The following PLA2G3 variants were observed in gnomAD, a reference collection of about 807,000 sequenced individuals.
PLA2G3 encodes phospholipase A2 group III.
PLA2G3 carries 39 observed loss-of-function variants against 51.3 expected under a neutral mutation model. The ratio of observed to expected loss-of-function variants is 0.76; its 90% confidence interval spans 0.59 to 0.99. The LOEUF is 0.99. PLA2G3 is among the 50% of genes least tolerant of loss of function. PLA2G3 has a pLI of 0.00. For synonymous variants in PLA2G3, 293 were observed against 263.1 expected (o/e 1.11, Z -1.10); for missense variants, 677 against 662.1 (o/e 1.02, Z -0.25).
chr22:31,140,167 T>A lies in PLA2G3; in HGVS notation c.188A>T (p.Asp63Val), dbSNP rs780724477. 7.4e-6 allele frequency: 12 copies of A among 1,612,290 alleles called. No homozygotes were observed. The highest frequency in any genetic ancestry group is 1.0e-5 in the Non-Finnish European group (12 of 1,179,702). ...ACATGACTGCAGCCTCCTATGCGCA[T>A]CCCAGCGGGCATGGATCAGGGCCAG... Reference protein sequence around the residue: ...QGLALIHARWDAHRRLQSCSW... With the variant: ...QGLALIHARWVAHRRLQSCSW... Residue 63 changes from aspartate (D) to valine (V), a missense_variant, in exon 1 of 7, where the codon GAT (aspartate) becomes GTT (valine). Asp to Val is a radical substitution (Grantham distance 152, BLOSUM62 -3). Transcript: ENST00000215885.
At chr22:31,138,643 G>A in intron 2 of PLA2G3, 24 bp downstream of exon 2, 1 of 1,613,870 alleles carries the variant, frequency 6.2e-7, no homozygotes, top group African/African-American at 1.3e-5. Context: ...CCTGAGCTCT[G>A]GGCCCTCGCT....
At position 31,137,844 on chromosome 22, in the gene PLA2G3, C is replaced by A. The variant is rs866948115; in HGVS notation, c.932G>T (p.Gly311Val). Residue 311 changes from glycine (G) to valine (V), a missense_variant, in exon 4 of 7, where the codon GGG becomes GTG. Coordinates refer to ENST00000215885, the MANE Select transcript of PLA2G3 (RefSeq NM_015715.5). ...KPRQKQHLRK[G>V]PPHQKGSKRP... Reference sequence around the variant, plus strand: ...CTTGGACCCTTTCTGATGTGGTGGCCCCTTCCGAAGGTGCTGCTTCTGTCG... The same window carrying A: ...CTTGGACCCTTTCTGATGTGGTGGCACCTTCCGAAGGTGCTGCTTCTGTCG... The A allele has an allele frequency of 1.9e-6, 3 of 1,613,964 alleles. No homozygotes were observed. The highest frequency in any genetic ancestry group is 2.5e-6 in the Non-Finnish European group (3 of 1,180,030).
Position 31,136,966 on chromosome 22 carries a change from C to A in PLA2G3, c.1141G>T (p.Glu381Ter). The A allele has an allele frequency of 1.3e-6, 2 of 1,586,312 alleles. No individual in the cohort carries two copies. The highest frequency in any genetic ancestry group is 2.3e-5 in the East Asian group (1 of 43,020). ...TGGGCGCTGTTGAGCAGCTGGAACTCGATTTCCCGGGGCCCAATCTGGTGC... is the reference window on the plus strand; with the variant it reads ...TGGGCGCTGTTGAGCAGCTGGAACTAGATTTCCCGGGGCCCAATCTGGTGC... ...CEHQIGPREI[E>*]FQLLNSAQEP... The change falls in exon 5 of 7, where the codon GAG (glutamate) becomes TAG (stop). Residue 381 changes from glutamate to a stop codon, truncating the protein, a stop_gained. Transcript: ENST00000215885. LOFTEE classifies it high-confidence loss of function.
intron 6 of PLA2G3, 74 bp from the exon 7 acceptor site, chr22:31,136,010 G>A (rs1922539011): frequency 3.2e-6 from 4 of 1,242,830 alleles, no homozygotes; most frequent in Non-Finnish European, 4.6e-6. Context: ...ACAGTGGGCT[G>A]AGGCCCAGAG....
rs1262523179 is a variant in PLA2G3, at chr22:31,135,225, C to T, written c.*498G>A. ...GGGGAGCTGAAAGCCCTCTCCAACA[C>T]CCACCCCAATCCTGGATTCAGACAC... is the stretch of plus-strand genomic sequence containing the variant. On this transcript the variant is annotated 3_prime_UTR_variant, in exon 7 of 7. Transcript: ENST00000215885. 2 of 156,066 alleles carry T rather than the reference C, an allele frequency of 1.3e-5. No homozygotes were observed. Among genetic ancestry groups the T allele is most frequent in the Admixed American group, 1.2e-4 (2 of 16,072 alleles). 9.7% of individuals were successfully genotyped at this position (156,066 alleles called of 1,614,324 possible). A position where few individuals can be genotyped will look rare whatever the true frequency, so the allele number is the denominator to read the frequency against.
In PLA2G3 at chr22:31,138,009, T is replaced by C. The variant is rs1164712953; in HGVS notation, c.783-16A>G. On this transcript the variant is annotated splice_polypyrimidine_tract_variant and intron_variant, in intron 3 of 6. Coordinates refer to ENST00000215885, the MANE Select transcript of PLA2G3 (RefSeq NM_015715.5). Reference sequence around the variant, plus strand: ...CATCCTACACCTGGGTGGTGGCAGTTGGTGGAAATTGGTGACTGGGAATCC... The same window carrying C: ...CATCCTACACCTGGGTGGTGGCAGTCGGTGGAAATTGGTGACTGGGAATCC... 2.0e-6 allele frequency: 3 copies of C among 1,526,848 alleles called. No individual in the cohort carries two copies. The East Asian group carries it at 6.8e-5, about 34-fold the overall frequency. 94.6% of individuals were successfully genotyped at this position (1,526,848 alleles called of 1,614,324 possible).
At position 31,138,672 on chromosome 22, in the gene PLA2G3, G is replaced by A. The variant is rs200160743; in HGVS notation, c.642C>T (p.Asp214=). ...CCTCGCTGCCTGCCACCAACCTGGT[G>A]TCACAGTCACAGTGGGAGATGGTGT... The part of the protein sequence containing the change: ...RFHTISHCDC[D]TRFQQCLQNQ... Residue 214 remains aspartate (D), a synonymous_variant, in exon 2 of 7, where the codon GAC becomes GAT. Transcript: ENST00000215885. 1.3e-4 allele frequency: 217 copies of A among 1,614,142 alleles called. 1 individual carries two copies. The highest frequency in any genetic ancestry group is 1.7e-4 in the Middle Eastern group (1 of 6,060).
At chr22:31,137,101 T>C in intron 4 of PLA2G3, 61 bp from the exon 5 acceptor site, 2 of 1,437,676 alleles carry the variant, frequency 1.4e-6, no homozygotes, top group Non-Finnish European at 1.8e-6. Flanking sequence ...CACCAATGCC[T>C]GCGCCATCCG....
Position 31,140,477 on chromosome 22 carries a change from A to C in PLA2G3, c.-123T>G. 1 of 1,094,658 alleles carries C rather than the reference A, an allele frequency of 9.1e-7. No homozygotes were observed. Among genetic ancestry groups the C allele is most frequent in the Non-Finnish European group, 1.3e-6 (1 of 773,812 alleles). The allele number at this position is 1,094,658 out of a possible 1,614,324, so 67.8% of individuals were successfully genotyped here. On this transcript the variant is annotated 5_prime_UTR_variant, in exon 1 of 7. Transcript: ENST00000215885. ...CAGCAGGCCCGGTGCGGCGGGACCA[A>C]TGAATGGAGCTGCGGGAGGAGGAGG...
Position 31,140,295 on chromosome 22 carries a change from G to C in PLA2G3, c.60C>G (p.Gly20=). ...TCCTGTACCAGCGGAGGGCAGGGGA[G>C]CCCCCCAGGGCCACCCCCAGGAAGC... ...MLGFLGVALG[G]SPALRWYRTS... is the part of the protein sequence containing the mutation. The change falls in exon 1 of 7, where the codon GGC becomes GGG. Residue 20 remains glycine, a synonymous_variant. Transcript: ENST00000215885. The C allele has an allele frequency of 6.2e-7, 1 of 1,610,366 alleles. No homozygotes were observed. Among genetic ancestry groups the C allele is most frequent in the Non-Finnish European group, 8.5e-7 (1 of 1,179,462 alleles).
intron 4 of PLA2G3, among the ~76,000 whole-genome samples, chr22:31,137,387 C>T (rs972387156): frequency 6.6e-6 from 1 of 152,136 alleles, no homozygotes; most frequent in Non-Finnish European, 1.5e-5. Flanking sequence ...GAGAGCCTGG[C>T]GCTTTTGAGG....
chr22:31,139,184 G>A (rs1380736581), intron 1 of PLA2G3, among the ~76,000 whole-genome samples: 2 of 152,164 alleles, frequency 1.3e-5, no homozygotes, highest in Non-Finnish European at 2.9e-5. Context: ...TTTCTCACTG[G>A]CACAAGGAGG....
At position 31,135,551 on chromosome 22, in the gene PLA2G3, G is replaced by C; in HGVS notation, c.*172C>G. 1 of 617,406 alleles carries C rather than the reference G, an allele frequency of 1.6e-6. No individual in the cohort carries two copies. Among genetic ancestry groups the C allele is most frequent in the South Asian group, 1.9e-5 (1 of 52,108 alleles). 38.2% of individuals were successfully genotyped at this position (617,406 alleles called of 1,614,324 possible). ...AGCTCAAGGTTACCCAGAACAGCAG[G>C]AGATGTGGTCCAGCATTTGGGCCTT... is the stretch of plus-strand genomic sequence containing the variant. On this transcript the variant is annotated 3_prime_UTR_variant, in exon 7 of 7. Transcript: ENST00000215885.
Position 31,136,726 on chromosome 22 carries a change from AG to A in PLA2G3, c.1272del (p.Cys425AlafsTer56). 6.2e-7 allele frequency: 1 copy of A among 1,613,474 alleles called. No homozygotes were observed. Among genetic ancestry groups the A allele is most frequent in the Non-Finnish European group, 8.5e-7 (1 of 1,179,778 alleles). On this transcript the variant is annotated frameshift_variant, in exon 6 of 7. Coordinates refer to ENST00000215885, the MANE Select transcript of PLA2G3 (RefSeq NM_015715.5). LOFTEE classifies it low-confidence loss of function (END_TRUNC). ...TCCAGTGGAGGGGCCAGCTTGAAGC[AG>A]GTTGTGCCCAGCAGCTCCCAAAGCA... is the stretch of plus-strand genomic sequence containing the variant. Reference protein sequence around the residue: ...TNMLWELLGTTCFKLAPPLDC... With the variant: ...TNMLWELLGTXCFKLAPPLDC...
rs1466132620 is a variant in PLA2G3, at chr22:31,140,312, C to T, written c.43G>A (p.Gly15Arg). The T allele has an allele frequency of 4.4e-6, 7 of 1,608,966 alleles. No individual in the cohort carries two copies. In the Admixed American group the frequency reaches 1.0e-4, roughly 23 times the overall value. ...GCAGGGGAGCCCCCCAGGGCCACCC[C>T]CAGGAAGCCCAGCATCCCAAACAGC... is the stretch of plus-strand genomic sequence containing the variant. ...AGLFGMLGFL[G>R]VALGGSPALR... is the part of the protein sequence containing the mutation. Residue 15 changes from glycine to arginine, a missense_variant, in exon 1 of 7, where the codon GGG (glycine) becomes AGG (arginine). Gly to Arg is a moderately radical substitution (Grantham distance 125). Transcript: ENST00000215885.
chr22:31,138,047 C>T (rs916680995), intron 3 of PLA2G3, 54 bp from the exon 4 acceptor site: 8 of 1,496,734 alleles, frequency 5.3e-6, no homozygotes, highest in Non-Finnish European at 7.1e-6. Context: ...CTTCCAGAAG[C>T]CCCCAGGGTC....
Position 31,137,776 on chromosome 22 carries a change from C to A in PLA2G3, c.1000G>T (p.Val334Phe), listed in dbSNP as rs1922663501. 6.2e-7 allele frequency: 1 copy of A among 1,613,770 alleles called. No homozygotes were observed. Among genetic ancestry groups the A allele is most frequent in the South Asian group, 1.1e-5 (1 of 91,076 alleles). ...GGGGCCACATCAAGCCTGGGAGAGA[C>A]CATAGGGTCCTGGAGGGCTGTGGTG... ...ANTTALQDPM[V>F]SPRLDVAPTG... Residue 334 changes from valine to phenylalanine, a missense_variant, in exon 4 of 7, where the codon GTC (valine) becomes TTC (phenylalanine). Physicochemically the swap from Val to Phe is conservative, Grantham distance 50. Coordinates refer to ENST00000215885, the MANE Select transcript of PLA2G3 (RefSeq NM_015715.5).
chr22:31,135,845 C>G lies in PLA2G3; in HGVS notation c.1408G>C (p.Asp470His), dbSNP rs1044679039. 1.9e-6 allele frequency: 3 copies of G among 1,613,882 alleles called. No individual in the cohort carries two copies. In the African/African-American group the frequency reaches 4.0e-5, roughly 22 times the overall value. Residue 470 changes from aspartate to histidine, a missense_variant, in exon 7 of 7, where the codon GAT becomes CAT. Transcript: ENST00000215885. ...TCTGAAGGCCATGGCTGCCTCTCAT[C>G]TGTGCCTTTATCCTGGAGCTGGTGT... is the stretch of plus-strand genomic sequence containing the variant. ...RRHQLQDKGTDERQPWPSEPL... is the reference protein window; with the variant it reads ...RRHQLQDKGTHERQPWPSEPL...
chr22:31,138,018 T>C (rs758075902), intron 3 of PLA2G3, 25 bp from the exon 4 acceptor site: 2 of 1,526,678 alleles, frequency 1.3e-6, no homozygotes, highest in South Asian at 1.3e-5. Context: ...TTGGTGGAAA[T>C]TGGTGACTGG....
Sources: gnomAD v4.1 joint callset for allele counts (sites outside exome capture counted in the v4.1 genomes callset) on GRCh38, gnomAD v4.1.1 for gene constraint, MANE v1.5 for transcripts, NCBI Gene and HGNC (gene_info 2026-07-23, HGNC 2026-07-21) for gene names.